Variants in CTNNA1 observed in about 807,000 individuals in gnomAD.
CTNNA1 encodes the protein catenin alpha-1.
A neutral mutation model predicts 98.4 loss-of-function variants in CTNNA1; 37 were observed. The ratio of observed to expected loss-of-function variants is 0.38; its 90% CI spans 0.29 to 0.49. The LOEUF (loss-of-function observed/expected upper bound fraction) is 0.49, where lower values mean the gene tolerates loss of function less well. Among genes scored for constraint, CTNNA1 ranks in the 20% least tolerant of loss-of-function variants. The pLI is 0.95. For missense variants in CTNNA1, 761 were observed against 1,147.2 expected (o/e 0.66, Z 4.86); for synonymous variants, 404 against 413.2 (o/e 0.98, Z 0.27).
chr5:138,775,502 C>T lies in CTNNA1; in HGVS notation c.-2-6421C>T, dbSNP rs77206863. On this transcript the variant is annotated intron_variant, in intron 1 of 17. Transcript: ENST00000302763. ...CAAATGCAGGTTCCTTTTGGCACCC[C>T]TATCTCTAGTGATTCTAGATTTGAT... Among the ~76,000 whole-genome samples the T allele has an allele frequency of 6.0e-3, 910 of 152,214 alleles. 12 individuals carry two copies. Among genetic ancestry groups the T allele is most frequent in the South Asian group, 0.027 (129 of 4,820 alleles).
intron 16 of CTNNA1, 112 bp from the exon 17 acceptor site, chr5:138,932,466 A>C (rs1413168012): frequency 1.7e-5 from 26 of 1,493,812 alleles, no homozygotes; most frequent in Non-Finnish European, 2.1e-5. Context: ...TTGCTCCAGC[A>C]AGAGGAGAGG....
intron 3 of CTNNA1, among the ~76,000 whole-genome samples, chr5:138,800,784 CAA>C (rs1240177029): frequency 1.3e-5 from 2 of 151,752 alleles, no homozygotes; most frequent in African/African-American, 2.4e-5. Context: ...GCCTGGGCAA[CAA>C]GAGCAAAACT....
chr5:138,924,282 G>GTT lies in CTNNA1; in HGVS notation c.1547-216_1547-215dup, dbSNP rs750282557. On this transcript the variant is annotated intron_variant, in intron 11 of 17. Transcript: ENST00000302763. ...TTTTTGTGTGTGTTTTTTATTTTTT[G>GTT]TTTTTTTTTTTTTAAAAACCTGGAA... is the stretch of plus-strand genomic sequence containing the variant. Among the ~76,000 whole-genome samples, 34,154 of 141,208 alleles carry GTT rather than the reference G, an allele frequency of 0.24. 4,323 individuals are homozygous for GTT. Among genetic ancestry groups the GTT allele is most frequent in the Middle Eastern group, 0.31 (83 of 266 alleles). The allele number at this position is 141,208 out of a possible 152,430, so 92.6% of individuals were successfully genotyped here.
intron 7 of CTNNA1, among the ~76,000 whole-genome samples, chr5:138,852,983 A>G (rs921546660): frequency 6.6e-6 from 1 of 152,152 alleles, no homozygotes; most frequent in Admixed American, 6.5e-5. Context: ...AATCCTTGCA[A>G]GCCTTCTGGT....
At chr5:138,924,022 T>C (rs1453315105) in intron 11 of CTNNA1, among the ~76,000 whole-genome samples, 4 of 152,248 alleles carry the variant, frequency 2.6e-5, no homozygotes, top group Admixed American at 1.3e-4. Context: ...TTCCAGCACC[T>C]TCTCCTATCC....
intron 5 of CTNNA1, among the ~76,000 whole-genome samples, chr5:138,821,727 T>C (rs911771562): frequency 5.3e-5 from 8 of 152,194 alleles, no homozygotes; most frequent in Admixed American, 6.5e-5. Context: ...TTGAAAGCAG[T>C]TCTTTGTTCC....
intron 5 of CTNNA1, among the ~76,000 whole-genome samples, chr5:138,813,574 A>G (rs1759070729): frequency 6.6e-6 from 1 of 152,224 alleles, no homozygotes; most frequent in African/African-American, 2.4e-5. Flanking sequence ...GCAACGTGCT[A>G]TGACTGCTAT....
chr5:138,782,596 C>T (rs553599494), intron 2 of CTNNA1, among the ~76,000 whole-genome samples: 1 of 152,208 alleles, frequency 6.6e-6, no homozygotes, highest in Non-Finnish European at 1.5e-5. Flanking sequence ...AACATATATT[C>T]ATCATCTTTA....
Position 138,874,978 on chromosome 5 carries a change from A to G in CTNNA1, c.1063-11234A>G. On this transcript the variant is annotated intron_variant, in intron 7 of 17. Transcript: ENST00000302763. The surrounding 1 kb of genome is among the most constrained non-coding windows in gnomAD (Gnocchi z 4.1). ...AGACTCAACGCAGTGAGTCTGTAAA[A>G]GGCTCTAACATGTAGGAGCCTTTGA... 2 of 1,563,374 alleles carry G rather than the reference A, an allele frequency of 1.3e-6. No individual in the cohort carries two copies.
At chr5:138,801,703 CT>C (rs1757596425) in intron 3 of CTNNA1, among the ~76,000 whole-genome samples, 2 of 152,274 alleles carry the variant, frequency 1.3e-5, no homozygotes, top group East Asian at 3.9e-4. Context: ...GTGTTGCTTC[CT>C]TTTCTCCTAG....
intron 7 of CTNNA1, among the ~76,000 whole-genome samples, chr5:138,837,729 C>G (rs1291219907): frequency 6.6e-6 from 1 of 151,702 alleles, no homozygotes; most frequent in Non-Finnish European, 1.5e-5. Context: ...TCAGGTGATT[C>G]TGCCATCTCA....
intron 1 of CTNNA1, among the ~76,000 whole-genome samples, chr5:138,776,268 A>G (rs1463611536): frequency 1.3e-5 from 2 of 151,924 alleles, no homozygotes; most frequent in African/African-American, 4.8e-5. Context: ...GCTGCCTTCA[A>G]GCATCTGTTC....
In CTNNA1 at chr5:138,874,989, T is replaced by G; in HGVS notation, c.1063-11223T>G. The G allele has an allele frequency of 6.8e-7, 1 of 1,467,258 alleles. No individual in the cohort carries two copies. Among genetic ancestry groups the G allele is most frequent in the African/African-American group, 1.4e-5 (1 of 71,696 alleles). The allele number at this position is 1,467,258 out of a possible 1,614,324, so 90.9% of individuals were successfully genotyped here. A position where few individuals can be genotyped will look rare whatever the true frequency, so the allele number is the denominator to read the frequency against. On this transcript the variant is annotated intron_variant, in intron 7 of 17. Coordinates refer to ENST00000302763, the MANE Select transcript of CTNNA1 (RefSeq NM_001903.5). This position sits in a 1 kb window ranked among gnomAD's most constrained non-coding sequence, Gnocchi z 4.1. The stretch of plus-strand genomic sequence containing the variant: ...AGTGAGTCTGTAAAAGGCTCTAACA[T>G]GTAGGAGCCTTTGACCAGTTTCCTG...
chr5:138,801,932 T>G (rs1757616281), intron 3 of CTNNA1, among the ~76,000 whole-genome samples: 1 of 152,194 alleles, frequency 6.6e-6, no homozygotes, highest in Non-Finnish European at 1.5e-5. Context: ...AAGGCAAACT[T>G]CTCGACTTAA....
rs115622978 is a variant in CTNNA1 at position 138,912,226 on chromosome 5, G to C, written c.1390-5516G>C. ...GAAGCACTGTCAGGACCAGAGCCCCGGAAGCTGACTGTGTCTTAGAAGCCA... is the reference window on the plus strand; with the variant it reads ...GAAGCACTGTCAGGACCAGAGCCCCCGAAGCTGACTGTGTCTTAGAAGCCA... On this transcript the variant is annotated intron_variant, in intron 10 of 17. Coordinates refer to ENST00000302763, the MANE Select transcript of CTNNA1 (RefSeq NM_001903.5). Among the ~76,000 whole-genome samples, 752 of 152,200 alleles carry C rather than the reference G, an allele frequency of 4.9e-3. 8 individuals carry two copies. The highest frequency in any genetic ancestry group is 3.1e-3 in the Non-Finnish European group (211 of 68,016).
At chr5:138,767,846 A>T (rs1034802451) in intron 1 of CTNNA1, among the ~76,000 whole-genome samples, 4 of 152,206 alleles carry the variant, frequency 2.6e-5, no homozygotes, top group Non-Finnish European at 5.9e-5. Flanking sequence ...CACTACTGTC[A>T]CACTCAAGAC....
At chr5:138,831,704 T>G (rs1255229296) in intron 7 of CTNNA1, among the ~76,000 whole-genome samples, 1 of 152,252 alleles carries the variant, frequency 6.6e-6, no homozygotes, top group Non-Finnish European at 1.5e-5. Context: ...GTATACTCCC[T>G]TGAATTGTTG....
intron 3 of CTNNA1, among the ~76,000 whole-genome samples, chr5:138,794,583 A>G (rs1756732215): frequency 1.3e-5 from 2 of 152,128 alleles, no homozygotes; most frequent in South Asian, 4.1e-4. Context: ...AATATATACT[A>G]CCATTTGGTT....
Position 138,812,234 on chromosome 5 carries a change from G to C in CTNNA1, c.520G>C (p.Gly174Arg), listed in dbSNP as rs761836161. 3 of 1,613,764 alleles carry C rather than the reference G, an allele frequency of 1.9e-6. No homozygotes were observed. The highest frequency in any genetic ancestry group is 2.5e-6 in the Non-Finnish European group (3 of 1,179,768). The change falls in exon 5 of 18, where the codon GGA (glycine) becomes CGA (arginine). Residue 174 changes from glycine (G) to arginine (R), a missense_variant. By Grantham distance (125) the Gly-to-Arg change is moderately radical. Around this residue, in one of 6 missense-constraint regions of CTNNA1, gnomAD observed 328 missense variants for 354.3 expected, o/e 0.93. Transcript: ENST00000302763. ...LRNAGNEQDL[G>R]IQYKALKPEV... ...GAATGCTGGCAATGAACAAGACTTA[G>C]GAATCCAGTATAAAGCCCTAAAACC... is the stretch of plus-strand genomic sequence containing the variant.
Sources: gnomAD v4.1 joint callset for allele counts (sites outside exome capture counted in the v4.1 genomes callset) on GRCh38, gnomAD v4.1.1 for gene constraint, gnomAD v4.1.1 regional missense constraint, Gnocchi (gnomAD v3.1) non-coding constraint, MANE v1.5 for transcripts, NCBI Gene and HGNC (gene_info 2026-07-23, HGNC 2026-07-21) for gene names.